The following MYO6 variants were observed in gnomAD, a reference collection of about 807,000 sequenced individuals.
MYO6 encodes unconventional myosin-VI.
A neutral mutation model predicts 178.7 loss-of-function variants in MYO6; 74 were observed. The ratio of observed to expected loss-of-function variants is 0.41; its 90% CI spans 0.34 to 0.50. MYO6 has a LOEUF of 0.50. MYO6 is among the 20% of genes least tolerant of loss of function. MYO6 has a pLI of 0.09. For synonymous variants in MYO6, 477 were observed against 504.6 expected, an observed-to-expected ratio of 0.95 and a Z score of 0.73; for missense variants, 1,330 against 1,547.4, an observed-to-expected ratio of 0.86 and a Z score of 2.36.
intron 1 of MYO6, among the ~76,000 whole-genome samples, chr6:75,769,242 C>G (rs112908513): frequency 6.6e-6 from 1 of 152,186 alleles, no homozygotes; most frequent in African/African-American, 2.4e-5. Context: ...CTTTTCACAT[C>G]GTAAAATACA....
intron 30 of MYO6, among the ~76,000 whole-genome samples, chr6:75,901,671 C>G (rs968692940): frequency 6.6e-6 from 1 of 152,184 alleles, no homozygotes; most frequent in African/African-American, 2.4e-5. Context: ...CGTCTGCAAA[C>G]AGGGACAATT....
At chr6:75,802,534 A>C (rs1769588117) in intron 1 of MYO6, among the ~76,000 whole-genome samples, 1 of 144,066 alleles carries the variant, frequency 6.9e-6, no homozygotes, top group African/African-American at 2.6e-5. Flanking sequence ...CCCAGGCTGG[A>C]GTGTAGTGGC....
intron 1 of MYO6, among the ~76,000 whole-genome samples, chr6:75,800,421 G>A (rs924192245): frequency 6.6e-6 from 1 of 152,110 alleles, no homozygotes; most frequent in African/African-American, 2.4e-5. Context: ...AAAGCCTGAT[G>A]GAGGGTTTAT....
chr6:75,762,738 C>T (rs550308080), intron 1 of MYO6, among the ~76,000 whole-genome samples: 1 of 152,340 alleles, frequency 6.6e-6, no homozygotes, highest in South Asian at 2.1e-4. Flanking sequence ...AGACCCAAAT[C>T]TAAGCCATTG....
chr6:75,801,510 G>A (rs191734419), intron 1 of MYO6, among the ~76,000 whole-genome samples: 2 of 152,250 alleles, frequency 1.3e-5, no homozygotes, highest in South Asian at 2.1e-4. Flanking sequence ...ATATGTAGAG[G>A]TGGTGGTGAG....
rs41269323 is a variant in MYO6 at position 75,914,821 on chromosome 6, G to A, written c.3667G>A (p.Asp1223Asn). Residue 1223 changes from aspartate (D) to asparagine (N), a missense_variant, in exon 35 of 35, where the codon GAC becomes AAC. Asp to Asn is a conservative substitution (Grantham distance 23). This residue lies in a region of MYO6 where 601 missense variants were observed against 626.1 expected (regional missense o/e 0.96). Coordinates refer to ENST00000369977, the MANE Select transcript of MYO6 (RefSeq NM_004999.4). ...PPILLVAGKDDMEMCELNLEE... is the reference protein window; with the variant it reads ...PPILLVAGKDNMEMCELNLEE... ...ATATCTCATGAATACAGGTAAGGAC[G>A]ACATGGAGATGTGTGAGCTGAATCT... The A allele has an allele frequency of 9.5e-3, 15,398 of 1,614,072 alleles. 114 individuals carry two copies. The highest frequency in any genetic ancestry group is 0.022 in the Middle Eastern group (135 of 6,060).
At chr6:75,885,345 C>A (rs1778344874) in intron 23 of MYO6, among the ~76,000 whole-genome samples, 1 of 152,124 alleles carries the variant, frequency 6.6e-6, no homozygotes, top group Admixed American at 6.5e-5. Context: ...ACCAGCCTGG[C>A]CGACATGGCA....
chr6:75,784,742 A>C (rs915458919), intron 1 of MYO6, among the ~76,000 whole-genome samples: 4 of 135,798 alleles, frequency 2.9e-5, no homozygotes, highest in Non-Finnish European at 6.0e-5. Flanking sequence ...GCACCACTGC[A>C]CTCCAGCCTG....
intron 1 of MYO6, among the ~76,000 whole-genome samples, chr6:75,805,019 A>ATTTTTTTT (rs1285917454): frequency 2.7e-3 from 166 of 61,322 alleles, no homozygotes; most frequent in African/African-American, 0.016. Flanking sequence ...ATATATATAT[A>ATTTTTTTT]TATTTTTTTT....
intron 11 of MYO6, among the ~76,000 whole-genome samples, chr6:75,853,812 T>G (rs1775498908): frequency 6.6e-6 from 1 of 152,210 alleles, no homozygotes; most frequent in Non-Finnish European, 1.5e-5. Context: ...CTATTTTTTA[T>G]TATAATGCAA....
chr6:75,914,245 C>G lies in MYO6; in HGVS notation c.3622C>G (p.Leu1208Val), dbSNP rs1278193788. 4 of 1,614,106 alleles carry G rather than the reference C, an allele frequency of 2.5e-6. No homozygotes were observed. The highest frequency in any genetic ancestry group is 3.4e-6 in the Non-Finnish European group (4 of 1,180,042). ...ACCATGGATTGCCCGGCAAATGGAACTCCATCCTGACAAGCCACCCATCCT... is the reference window on the plus strand; with the variant it reads ...ACCATGGATTGCCCGGCAAATGGAAGTCCATCCTGACAAGCCACCCATCCT... ...DGPWIARQME[L>V]HPDKPPILLV... The change falls in exon 34 of 35, where the codon CTC (leucine) becomes GTC (valine). Residue 1208 changes from leucine to valine, a missense_variant. Leu to Val is a conservative substitution (Grantham distance 32, BLOSUM62 1). Coordinates refer to ENST00000369977, the MANE Select transcript of MYO6 (RefSeq NM_004999.4).
At chr6:75,771,121 G>T (rs1765851126) in intron 1 of MYO6, among the ~76,000 whole-genome samples, 1 of 151,422 alleles carries the variant, frequency 6.6e-6, no homozygotes, top group African/African-American at 2.4e-5. Flanking sequence ...TCCCGCCTCA[G>T]CCCCCAAGTA....
chr6:75,908,462 T>A (rs1258367137), intron 31 of MYO6, 34 bp from the exon 32 acceptor site: 2 of 1,603,300 alleles, frequency 1.2e-6, no homozygotes, highest in Admixed American at 3.4e-5. Context: ...AATTAACATG[T>A]CAATTTTTTT....
chr6:75,774,163 A>G (rs1766148649), intron 1 of MYO6, among the ~76,000 whole-genome samples: 1 of 152,226 alleles, frequency 6.6e-6, no homozygotes. Context: ...GTCCAAAGCA[A>G]ATAGTTTTTT....
At chr6:75,755,437 A>T (rs1450995492) in intron 1 of MYO6, among the ~76,000 whole-genome samples, 3 of 152,248 alleles carry the variant, frequency 2.0e-5, no homozygotes, top group African/African-American at 7.2e-5. Flanking sequence ...GTGATTATTA[A>T]ATTGTTACAG....
chr6:75,783,677 A>G (rs1372512808), intron 1 of MYO6, among the ~76,000 whole-genome samples: 1 of 152,148 alleles, frequency 6.6e-6, no homozygotes, highest in Non-Finnish European at 1.5e-5. Flanking sequence ...TATTTTGACA[A>G]TAAAGTCAAG....
chr6:75,772,933 T>C (rs1170023542), intron 1 of MYO6, among the ~76,000 whole-genome samples: 1 of 152,248 alleles, frequency 6.6e-6, no homozygotes, highest in Non-Finnish European at 1.5e-5. Flanking sequence ...TTTTTAAGTG[T>C]ATTTACTTGA....
chr6:75,805,025 T>A lies in MYO6; in HGVS notation c.-47-12476T>A, dbSNP rs199932385. Among the ~76,000 whole-genome samples the A allele has an allele frequency of 4.8e-3, 416 of 86,962 alleles. 1 individual carries two copies. Among genetic ancestry groups the A allele is most frequent in the South Asian group, 0.012 (29 of 2,514 alleles). The allele number at this position is 86,962 out of a possible 152,430, so 57.1% of individuals were successfully genotyped here. On this transcript the variant is annotated intron_variant, in intron 1 of 34. Coordinates refer to ENST00000369977, the MANE Select transcript of MYO6 (RefSeq NM_004999.4). ...CACATATATATATATATATATATTT[T>A]TTTTTTTTTTTTTTTTGAGACAGAG...
chr6:75,792,877 G>C (rs1199878349), intron 1 of MYO6, among the ~76,000 whole-genome samples: 1 of 151,982 alleles, frequency 6.6e-6, no homozygotes, highest in African/African-American at 2.4e-5. Flanking sequence ...TTGAACTCCT[G>C]GGCTCAGGTG....
Sources: allele counts gnomAD v4.1 joint callset (sites outside exome capture counted in the v4.1 genomes callset), GRCh38; gene constraint gnomAD v4.1.1; regional missense constraint gnomAD v4.1.1; transcripts MANE v1.5; gene names NCBI Gene and HGNC (gene_info 2026-07-23, HGNC 2026-07-21).